The following LRP1B variants were observed in gnomAD, a reference collection of about 807,000 sequenced individuals.
LRP1B encodes the protein LDL receptor related protein 1B.
LRP1B carries 217 observed loss-of-function variants against 556.6 expected under a neutral mutation model. The ratio of observed to expected loss-of-function variants is 0.39; its 90% CI spans 0.35 to 0.44. The LOEUF is 0.44. LRP1B is among the 20% of genes least tolerant of loss of function. The pLI is 1.00. For missense variants in LRP1B, 5,053 were observed against 5,620.8 expected, an observed-to-expected ratio of 0.90 and a Z score of 3.23; for synonymous variants, 2,047 against 1,865.8, an observed-to-expected ratio of 1.10 and a Z score of -2.50.
At position 140,904,123 on chromosome 2, in the gene LRP1B, A is replaced by T. The variant is rs781300711; in HGVS notation, c.3521-958T>A. Among the ~76,000 whole-genome samples the T allele has an allele frequency of 9.7e-4, 147 of 152,234 alleles. 1 individual carries two copies. In the Middle Eastern group the frequency reaches 0.01, roughly 11 times the overall value. On this transcript the variant is annotated intron_variant, in intron 22 of 90. Transcript: ENST00000389484. ...AGTGTATACCTAACATTGAGTAACA[A>T]GTTAAAAATATTTGATGAATTTTTT...
At chr2:141,514,630 C>A (rs1414931125) in intron 2 of LRP1B, among the ~76,000 whole-genome samples, 2 of 152,080 alleles carry the variant, frequency 1.3e-5, no homozygotes, top group African/African-American at 2.4e-5. Context: ...AAGGTTATAT[C>A]CCAATAAAAC....
intron 3 of LRP1B, 174 bp downstream of exon 3, chr2:141,480,222 A>G (rs1474928801): frequency 5.8e-6 from 4 of 694,910 alleles, no homozygotes; most frequent in East Asian, 5.6e-5. Context: ...TTGCTCAAAC[A>G]TAATACTTGC....
chr2:140,474,054 T>A (rs374875886), intron 60 of LRP1B, among the ~76,000 whole-genome samples: 1 of 152,068 alleles, frequency 6.6e-6, no homozygotes, highest in African/African-American at 2.4e-5. Flanking sequence ...AGTAAGTGAC[T>A]CATCCAACTA....
At chr2:141,917,359 T>C (rs971820071) in intron 1 of LRP1B, among the ~76,000 whole-genome samples, 1 of 152,208 alleles carries the variant, frequency 6.6e-6, no homozygotes, top group South Asian at 2.1e-4. Flanking sequence ...TGGTGTGTGG[T>C]GTGTAGATAC....
intron 43 of LRP1B, among the ~76,000 whole-genome samples, chr2:140,585,961 G>A (rs1232027409): frequency 6.6e-6 from 1 of 152,038 alleles, no homozygotes; most frequent in Admixed American, 6.6e-5. Flanking sequence ...GGCAATGCAA[G>A]GGCCTTGTTT....
intron 47 of LRP1B, among the ~76,000 whole-genome samples, chr2:140,531,378 C>T (rs16844168): frequency 6.6e-6 from 1 of 152,082 alleles, no homozygotes; most frequent in African/African-American, 2.4e-5. Flanking sequence ...CCGCTTACTT[C>T]CAGTGTCTGA....
intron 2 of LRP1B, among the ~76,000 whole-genome samples, chr2:141,740,005 G>A (rs1264130947): frequency 1.3e-5 from 2 of 151,986 alleles, no homozygotes; most frequent in Non-Finnish European, 2.9e-5. Flanking sequence ...AAAGAGGTAA[G>A]ATAGAATAAT....
chr2:140,408,099 G>A (rs184983006), intron 66 of LRP1B, among the ~76,000 whole-genome samples: 7 of 152,082 alleles, frequency 4.6e-5, no homozygotes, highest in Admixed American at 2.0e-4. Context: ...AATACAATAT[G>A]TTCTCCCTTA....
chr2:140,989,758 T>A (rs2105353432), intron 16 of LRP1B, 101 bp from the exon 17 acceptor site: 2 of 1,120,624 alleles, frequency 1.8e-6, no homozygotes, highest in Non-Finnish European at 1.3e-6. Flanking sequence ...AATATTATAG[T>A]ACAATAAATG....
intron 66 of LRP1B, among the ~76,000 whole-genome samples, chr2:140,409,281 T>TATCA (rs1558862631): frequency 2.0e-5 from 3 of 151,978 alleles, no homozygotes; most frequent in Admixed American, 2.0e-4. Flanking sequence ...AAGTCGGTGA[T>TATCA]GTGATATCTA....
At chr2:141,433,622 A>G (rs1276856154) in intron 3 of LRP1B, among the ~76,000 whole-genome samples, 2 of 152,050 alleles carry the variant, frequency 1.3e-5, no homozygotes, top group South Asian at 2.1e-4. Flanking sequence ...TCTCTATTCT[A>G]ATAAGTCAGC....
intron 25 of LRP1B, among the ~76,000 whole-genome samples, chr2:140,879,514 T>G (rs1427254139): frequency 1.3e-5 from 2 of 152,148 alleles, no homozygotes; most frequent in Non-Finnish European, 2.9e-5. Context: ...TTAGTCACCC[T>G]AGAAGTGTTC....
rs763201172 is a variant in LRP1B at position 140,335,771 on chromosome 2, T to G, written c.11960A>C (p.Asp3987Ala). The change falls in exon 78 of 91, where the codon GAT (aspartate) becomes GCT (alanine). Residue 3987 changes from aspartate to alanine, a missense_variant. By Grantham distance (126) the Asp-to-Ala change is moderately radical. Transcript: ENST00000389484. ...DWVAGNIYWT[D>A]HSRMHWFSYY... The stretch of plus-strand genomic sequence containing the variant: ...ACTGAACCAATGCATTCTAGAATGA[T>G]CAGTCCAGTAAATGTTTCCAGCCAC... 3.7e-6 allele frequency: 6 copies of G among 1,612,852 alleles called. No homozygotes were observed. The highest frequency in any genetic ancestry group is 1.7e-5 in the Admixed American group (1 of 59,846).
chr2:140,698,821 A>G (rs1203657907), intron 41 of LRP1B, among the ~76,000 whole-genome samples: 1 of 152,092 alleles, frequency 6.6e-6, no homozygotes, highest in Non-Finnish European at 1.5e-5. Context: ...CACTTTGAAT[A>G]AATCATTTAC....
At chr2:140,292,531 T>C (rs991626771) in intron 84 of LRP1B, among the ~76,000 whole-genome samples, 5 of 152,148 alleles carry the variant, frequency 3.3e-5, no homozygotes, top group Non-Finnish European at 7.4e-5. Context: ...CTTCCCTTTC[T>C]CATCTCCTTA....
chr2:141,250,843 A>T (rs957449330), intron 4 of LRP1B, among the ~76,000 whole-genome samples: 1 of 152,178 alleles, frequency 6.6e-6, no homozygotes, highest in Non-Finnish European at 1.5e-5. Context: ...ATACCACCCA[A>T]TTGTTATCAG....
chr2:141,376,277 C>T (rs575433129), intron 3 of LRP1B, among the ~76,000 whole-genome samples: 35 of 152,266 alleles, frequency 2.3e-4, no homozygotes, highest in Admixed American at 3.3e-4. Context: ...CCCAGTGAGT[C>T]TAGGGTGTCT....
At chr2:140,970,450 T>G (rs1696378038) in intron 18 of LRP1B, among the ~76,000 whole-genome samples, 1 of 151,830 alleles carries the variant, frequency 6.6e-6, no homozygotes, top group African/African-American at 2.4e-5. Flanking sequence ...GTTTTTAGCT[T>G]CTTTGGGATG....
At chr2:140,576,929 T>G (rs1338092818) in intron 43 of LRP1B, among the ~76,000 whole-genome samples, 1 of 152,228 alleles carries the variant, frequency 6.6e-6, no homozygotes, top group Non-Finnish European at 1.5e-5. Context: ...CCTGAGTTTT[T>G]AAATTTAGAG....
Sources: gnomAD v4.1 joint callset for allele counts (sites outside exome capture counted in the v4.1 genomes callset) on GRCh38, gnomAD v4.1.1 for gene constraint, MANE v1.5 for transcripts, NCBI Gene and HGNC (gene_info 2026-07-23, HGNC 2026-07-21) for gene names.